PLD5: variants seen among roughly 807,000 people sequenced by gnomAD.
PLD5 encodes phospholipase D family member 5.
A neutral mutation model predicts 61.1 loss-of-function variants in PLD5; 36 were observed. The ratio of observed to expected loss-of-function variants is 0.59; its 90% CI spans 0.45 to 0.78. The LOEUF (loss-of-function observed/expected upper bound fraction) is 0.78. PLD5 is among the 30% of genes least tolerant of loss of function. The pLI, the probability that PLD5 is intolerant of heterozygous loss-of-function variation, is 0.00. For missense variants in PLD5, 515 were observed against 644.4 expected, an observed-to-expected ratio of 0.80 and a Z score of 2.17; for synonymous variants, 243 against 242.8, an observed-to-expected ratio of 1.00 and a Z score of -0.01.
Position 242,204,659 on chromosome 1 carries a change from A to G in PLD5, c.735+15329T>C, listed in dbSNP as rs568267259. ...ATTTACTGAGCAGTAACCATGCTGC[A>G]GTGATGGCACTAGGTCTGTTTTAGC... On this transcript the variant is annotated intron_variant, in intron 5 of 9. Coordinates refer to ENST00000536534, the MANE Select transcript of PLD5 (RefSeq NM_001372062.1). 2.0e-5 allele frequency among the ~76,000 whole-genome samples: 3 copies of G among 152,342 alleles called. No homozygotes were observed. In the East Asian group the frequency reaches 5.8e-4, roughly 29 times the overall value.
chr1:242,234,711 C>T (rs777384909), intron 4 of PLD5, among the ~76,000 whole-genome samples: 28 of 152,084 alleles, frequency 1.8e-4, no homozygotes, highest in Non-Finnish European at 3.2e-4. Context: ...CCTCCCTGGA[C>T]GTGTGGGCAC....
chr1:242,377,235 G>T (rs934998449), intron 1 of PLD5: 2 of 1,611,096 alleles, frequency 1.2e-6, no homozygotes, highest in African/African-American at 1.3e-5. Flanking sequence ...AGAACCATCC[G>T]ATTTGTGCTG....
intron 5 of PLD5, among the ~76,000 whole-genome samples, chr1:242,141,301 G>C (rs939808893): frequency 2.0e-5 from 3 of 152,054 alleles, no homozygotes; most frequent in Non-Finnish European, 4.4e-5. Flanking sequence ...GCAACCACCC[G>C]CTGTAAAATG....
chr1:242,191,629 C>G (rs1196264929), intron 5 of PLD5, among the ~76,000 whole-genome samples: 6 of 151,918 alleles, frequency 3.9e-5, no homozygotes, highest in Middle Eastern at 3.4e-3. Flanking sequence ...AAAAACTCTG[C>G]AGAAAAAGGA....
At chr1:242,520,154 C>A (rs1503799) in intron 1 of PLD5, among the ~76,000 whole-genome samples, 1 of 152,098 alleles carries the variant, frequency 6.6e-6, no homozygotes, top group East Asian at 1.9e-4. Context: ...TGGATGATTT[C>A]TGGGCGGAAG....
intron 7 of PLD5, among the ~76,000 whole-genome samples, chr1:242,109,810 G>A (rs1219772444): frequency 2.6e-5 from 4 of 151,796 alleles, no homozygotes; most frequent in African/African-American, 7.3e-5. Flanking sequence ...GCTGTGCCGC[G>A]GGGCTCTTTC....
intron 1 of PLD5, among the ~76,000 whole-genome samples, chr1:242,482,272 C>A (rs1558597856): frequency 6.6e-6 from 1 of 152,242 alleles, no homozygotes; most frequent in Middle Eastern, 3.4e-3. Context: ...CCTAAAGGAG[C>A]AAGTTCGAAC....
rs531157398 is a variant in PLD5, at chr1:242,329,978, CT to C, written c.326+18127del. 3.3e-5 allele frequency among the ~76,000 whole-genome samples: 5 copies of C among 152,270 alleles called. No individual in the cohort carries two copies. The South Asian group carries it at 1.0e-3, about 32-fold the overall frequency. On this transcript the variant is annotated intron_variant, in intron 2 of 9. Transcript: ENST00000536534. ...TTTCCTGCCACTAACTCTCCATTCT[CT>C]TACCTAGTGGCTCCCACAGTTTAAA...
intron 1 of PLD5, among the ~76,000 whole-genome samples, chr1:242,518,909 G>A (rs1669190412): frequency 6.6e-6 from 1 of 152,200 alleles, no homozygotes; most frequent in East Asian, 1.9e-4. Flanking sequence ...GACAAGGACA[G>A]TGATGGACAT....
intron 2 of PLD5, among the ~76,000 whole-genome samples, chr1:242,307,920 T>C (rs1015542702): frequency 7.9e-5 from 12 of 151,924 alleles, no homozygotes; most frequent in African/African-American, 2.7e-4. Flanking sequence ...TGTTCAAGGC[T>C]CCAGGGGATA....
chr1:242,123,569 C>G (rs2148731051), intron 6 of PLD5, among the ~76,000 whole-genome samples: 1 of 152,282 alleles, frequency 6.6e-6, no homozygotes, highest in African/African-American at 2.4e-5. Flanking sequence ...CCAGTTCATT[C>G]CACTTGCACA....
intron 4 of PLD5, among the ~76,000 whole-genome samples, chr1:242,255,136 C>A (rs1457751471): frequency 2.6e-5 from 4 of 152,000 alleles, no homozygotes; most frequent in Non-Finnish European, 5.9e-5. Context: ...TCATAAGTCC[C>A]CTGTCCAGAG....
intron 4 of PLD5, among the ~76,000 whole-genome samples, chr1:242,255,067 T>C (rs1190404823): frequency 3.9e-5 from 6 of 152,070 alleles, no homozygotes; most frequent in African/African-American, 1.2e-4. Flanking sequence ...GGGGTGACCG[T>C]TGGGGCACCC....
chr1:242,148,339 T>C (rs1436593822), intron 5 of PLD5, among the ~76,000 whole-genome samples: 1 of 138,506 alleles, frequency 7.2e-6, no homozygotes, highest in East Asian at 2.0e-4. Flanking sequence ...TCTATTTGCT[T>C]TCATTGGTCC....
At chr1:242,412,032 A>T (rs907211601) in intron 1 of PLD5, among the ~76,000 whole-genome samples, 12 of 152,210 alleles carry the variant, frequency 7.9e-5, no homozygotes, top group African/African-American at 2.9e-4. Flanking sequence ...TTTACCCACA[A>T]TCAGGTGAGC....
At chr1:242,312,658 C>T (rs569555763) in intron 2 of PLD5, among the ~76,000 whole-genome samples, 4 of 152,336 alleles carry the variant, frequency 2.6e-5, no homozygotes, top group African/African-American at 9.6e-5. Context: ...TTAAGCAACG[C>T]AGAGGTCAAT....
chr1:242,177,117 C>T (rs1667203166), intron 5 of PLD5, among the ~76,000 whole-genome samples: 1 of 152,188 alleles, frequency 6.6e-6, no homozygotes, highest in South Asian at 2.1e-4. Flanking sequence ...TATAAAGACA[C>T]ATGTACACAT....
At chr1:242,364,894 C>T (rs1212721573) in intron 1 of PLD5, among the ~76,000 whole-genome samples, 1 of 150,950 alleles carries the variant, frequency 6.6e-6, no homozygotes, top group Non-Finnish European at 1.5e-5. Flanking sequence ...AAAACCATGC[C>T]CACAAAAATC....
intron 4 of PLD5, among the ~76,000 whole-genome samples, chr1:242,233,015 G>A (rs540401918): frequency 7.9e-5 from 12 of 152,194 alleles, no homozygotes; most frequent in East Asian, 1.9e-4. Flanking sequence ...TTAGCCAGGC[G>A]TGGTGGCAGG....
Sources: gnomAD v4.1 joint callset for allele counts (sites outside exome capture counted in the v4.1 genomes callset) on GRCh38, gnomAD v4.1.1 for gene constraint, MANE v1.5 for transcripts, NCBI Gene and HGNC (gene_info 2026-07-23, HGNC 2026-07-21) for gene names.